Variants in MSI2 observed in about 807,000 individuals in gnomAD.
The protein encoded by MSI2 is musashi RNA binding protein 2.
In MSI2, 17 loss-of-function variants were observed where a neutral mutation model predicts 45.6. The observed-to-expected ratio is 0.37, with a 90% CI of 0.26 to 0.56. MSI2 has a LOEUF of 0.56. Among genes scored for constraint, MSI2 ranks in the 20% least tolerant of loss-of-function variants. The pLI is 0.77. For missense variants in MSI2, 293 were observed against 444.2 expected (o/e 0.66, Z 3.06); for synonymous variants, 156 against 158.2 (o/e 0.99, Z 0.11).
chr17:57,572,049 C>A (rs1191433989), intron 7 of MSI2, among the ~76,000 whole-genome samples: 1 of 152,166 alleles, frequency 6.6e-6, no homozygotes, highest in Non-Finnish European at 1.5e-5. Context: ...AGCTAGAAAG[C>A]TGATCAGCCG....
intron 8 of MSI2, among the ~76,000 whole-genome samples, chr17:57,602,497 C>T (rs996606129): frequency 6.6e-6 from 1 of 152,178 alleles, no homozygotes; most frequent in African/African-American, 2.4e-5. Context: ...GGATTATAGG[C>T]ATGCGCCACC....
intron 7 of MSI2, among the ~76,000 whole-genome samples, chr17:57,536,252 G>A (rs568170420): frequency 3.3e-5 from 5 of 152,192 alleles, no homozygotes; most frequent in Non-Finnish European, 7.3e-5. Context: ...TTTACCTAGG[G>A]AAGAACGTTG....
chr17:57,576,524 G>A (rs371691157), intron 7 of MSI2, among the ~76,000 whole-genome samples: 19 of 152,300 alleles, frequency 1.2e-4, no homozygotes, highest in African/African-American at 4.3e-4. Flanking sequence ...GGGAGGCCGA[G>A]GCAGGTGGAT....
At chr17:57,657,681 A>G (rs930518016) in intron 11 of MSI2, among the ~76,000 whole-genome samples, 15 of 152,248 alleles carry the variant, frequency 9.9e-5, no homozygotes, top group Non-Finnish European at 1.8e-4. Flanking sequence ...CCCCTTCAAG[A>G]TGTTTTCTGT....
At chr17:57,653,910 A>G (rs1208307252) in intron 11 of MSI2, among the ~76,000 whole-genome samples, 1 of 132,914 alleles carries the variant, frequency 7.5e-6, no homozygotes, top group Non-Finnish European at 1.6e-5. Flanking sequence ...CTAACTCCTA[A>G]CCCCCAAGGT....
intron 5 of MSI2, among the ~76,000 whole-genome samples, chr17:57,366,864 A>ATGGCTGT (rs898438597): frequency 6.6e-6 from 1 of 152,170 alleles, no homozygotes; most frequent in African/African-American, 2.4e-5. Flanking sequence ...ATGTGGCTGA[A>ATGGCTGT]TGGCTGTTGG....
At chr17:57,664,091 A>G (rs1224420480) in intron 11 of MSI2, among the ~76,000 whole-genome samples, 1 of 152,092 alleles carries the variant, frequency 6.6e-6, no homozygotes, top group African/African-American at 2.4e-5. Context: ...TTCCACCTCT[A>G]CTAAACGAGG....
intron 11 of MSI2, among the ~76,000 whole-genome samples, chr17:57,668,985 C>T (rs1912577435): frequency 1.3e-5 from 2 of 152,220 alleles, no homozygotes; most frequent in Admixed American, 6.5e-5. Context: ...TCTCCTACCT[C>T]CAGGCTAAGC....
chr17:57,547,726 T>G (rs925749674), intron 7 of MSI2, among the ~76,000 whole-genome samples: 5 of 144,122 alleles, frequency 3.5e-5, no homozygotes, highest in African/African-American at 5.2e-5. Flanking sequence ...GTTTAGTAGT[T>G]GCATAGACAA....
chr17:57,663,150 C>T (rs1912116893), intron 11 of MSI2, among the ~76,000 whole-genome samples: 2 of 151,074 alleles, frequency 1.3e-5, no homozygotes, highest in African/African-American at 4.9e-5. Flanking sequence ...GTTGCTGGGG[C>T]TTTGCTCTGA....
chr17:57,287,117 G>A (rs1909968639), intron 5 of MSI2, among the ~76,000 whole-genome samples: 1 of 146,296 alleles, frequency 6.8e-6, no homozygotes. Flanking sequence ...ACAAATAAGT[G>A]GTCTCAAAAA....
chr17:57,677,901 T>C (rs886710538), intron 13 of MSI2, among the ~76,000 whole-genome samples: 3 of 152,224 alleles, frequency 2.0e-5, no homozygotes, highest in African/African-American at 7.2e-5. Flanking sequence ...AGAGGGGTTG[T>C]CCTTGTGAAA....
At chr17:57,537,384 A>G (rs563908129) in intron 7 of MSI2, among the ~76,000 whole-genome samples, 1 of 152,342 alleles carries the variant, frequency 6.6e-6, no homozygotes, top group South Asian at 2.1e-4. Flanking sequence ...ATAAAGAGTC[A>G]GCCCACCCTT....
intron 11 of MSI2, among the ~76,000 whole-genome samples, chr17:57,656,130 A>G (rs1295279097): frequency 6.6e-6 from 1 of 152,130 alleles, no homozygotes; most frequent in African/African-American, 2.4e-5. Flanking sequence ...TGCGGGGACC[A>G]GGAAGAGAAG....
At chr17:57,456,154 G>A (rs547938981) in intron 6 of MSI2, among the ~76,000 whole-genome samples, 4 of 152,304 alleles carry the variant, frequency 2.6e-5, no homozygotes, top group African/African-American at 4.8e-5. Flanking sequence ...CGATCTTTCC[G>A]AACTTTCCTC....
chr17:57,284,192 A>G (rs1598069585), intron 5 of MSI2, among the ~76,000 whole-genome samples: 1 of 152,184 alleles, frequency 6.6e-6, no homozygotes, highest in East Asian at 1.9e-4. Flanking sequence ...TTAATGAAAG[A>G]GTTGGATTGG....
Position 57,627,373 on chromosome 17 carries a change from A to G in MSI2, c.727+70A>G. On this transcript the variant is annotated intron_variant, in intron 10 of 13. Coordinates refer to ENST00000284073, the MANE Select transcript of MSI2 (RefSeq NM_138962.4). This position sits in a 1 kb window ranked among gnomAD's most constrained non-coding sequence, Gnocchi z 4.6. ...GCTGCATTTGCGGGGAGGTGAGAGG[A>G]CCCCTAAAGAGAATGCATTTCTTAC... The G allele has an allele frequency of 7.5e-7, 1 of 1,331,116 alleles. No homozygotes were observed. Among genetic ancestry groups the G allele is most frequent in the Non-Finnish European group, 1.1e-6 (1 of 923,086 alleles). The allele number at this position is 1,331,116 out of a possible 1,614,324, so 82.5% of individuals were successfully genotyped here.
chr17:57,433,995 A>C (rs1031117786), intron 6 of MSI2, among the ~76,000 whole-genome samples: 1 of 152,212 alleles, frequency 6.6e-6, no homozygotes, highest in African/African-American at 2.4e-5. Flanking sequence ...GTACAATGTG[A>C]TGTTTGTTTC....
chr17:57,356,629 A>G (rs1916443122), intron 5 of MSI2, among the ~76,000 whole-genome samples: 1 of 152,182 alleles, frequency 6.6e-6, no homozygotes, highest in Admixed American at 6.5e-5. Flanking sequence ...ATCTCAATAC[A>G]CAGATGGTTT....
Sources: allele counts gnomAD v4.1 joint callset (sites outside exome capture counted in the v4.1 genomes callset), GRCh38; gene constraint gnomAD v4.1.1; non-coding constraint Gnocchi (gnomAD v3.1); transcripts MANE v1.5; gene names NCBI Gene and HGNC (gene_info 2026-07-23, HGNC 2026-07-21).